Variants in DOCK10 observed in about 807,000 individuals in gnomAD.
The protein encoded by DOCK10 is dedicator of cytokinesis 10.
Under a neutral mutation model 280.1 loss-of-function variants are expected in DOCK10, and 145 were observed. That is an observed-to-expected ratio of 0.52 (90% CI 0.45 to 0.59). The LOEUF is 0.59. Among genes scored for constraint, DOCK10 ranks in the 20% least tolerant of loss-of-function variants. The pLI, the probability that DOCK10 is intolerant of heterozygous loss-of-function variation, is 0.00. For synonymous variants in DOCK10, 915 were observed against 942.2 expected, an observed-to-expected ratio of 0.97 and a Z score of 0.53; for missense variants, 2,368 against 2,651.7, an observed-to-expected ratio of 0.89 and a Z score of 2.35.
At chr2:224,974,860 A>G (rs1436341881) in intron 1 of DOCK10, among the ~76,000 whole-genome samples, 4 of 84,872 alleles carry the variant, frequency 4.7e-5, no homozygotes, top group Non-Finnish European at 1.0e-4. Context: ...ACACGTATAT[A>G]TGAGTATATA....
In DOCK10 at chr2:224,901,944, T is replaced by A. The variant is rs577176072; in HGVS notation, c.334-5567A>T. On this transcript the variant is annotated intron_variant, in intron 3 of 55. Coordinates refer to ENST00000258390, the MANE Select transcript of DOCK10 (RefSeq NM_014689.3). ...ATCAACTCCAGTATGAGGTTTTATT[T>A]ATAGTGGACGTTCAATATTTATTTG... Among the ~76,000 whole-genome samples the A allele has an allele frequency of 2.6e-5, 4 of 152,358 alleles. 1 individual carries two copies. Among genetic ancestry groups the A allele is most frequent in the African/African-American group, 7.2e-5 (3 of 41,570 alleles).
Position 224,834,212 on chromosome 2 carries a change from C to G in DOCK10, c.2902G>C (p.Ala968Pro), listed in dbSNP as rs1050259912. 1 of 1,613,610 alleles carries G rather than the reference C, an allele frequency of 6.2e-7. No homozygotes were observed. The highest frequency in any genetic ancestry group is 1.7e-5 in the Admixed American group (1 of 60,012). ...TTCAAAAGACCAGTCACATTTTTAG[C>G]CAGTTCCTCATGTACAGTCCTCTCC... Reference protein sequence around the residue: ...CKERTVHEELAKNVTGLLKSN... With the variant: ...CKERTVHEELPKNVTGLLKSN... The change falls in exon 26 of 56, where the codon GCT becomes CCT. Residue 968 changes from alanine to proline, a missense_variant. Transcript: ENST00000258390.
intron 3 of DOCK10, among the ~76,000 whole-genome samples, chr2:224,908,451 G>A (rs1398167508): frequency 6.9e-6 from 1 of 144,788 alleles, no homozygotes; most frequent in Non-Finnish European, 1.5e-5. Flanking sequence ...GTGTGTGTGT[G>A]TACATGTGTA....
intron 40 of DOCK10, among the ~76,000 whole-genome samples, chr2:224,801,393 T>C (rs1025153754): frequency 2.0e-5 from 3 of 152,018 alleles, no homozygotes; most frequent in Admixed American, 6.6e-5. Context: ...CCATGTTATA[T>C]AGGGTTAACT....
At chr2:225,015,907 A>G (rs1277170897) in intron 1 of DOCK10, among the ~76,000 whole-genome samples, 1 of 152,196 alleles carries the variant, frequency 6.6e-6, no homozygotes, top group African/African-American at 2.4e-5. Context: ...ATGTCAACTA[A>G]ATAAAATAAA....
intron 1 of DOCK10, chr2:224,982,111 G>C: frequency 1.1e-6 from 1 of 934,636 alleles, no homozygotes; most frequent in Non-Finnish European, 1.4e-6. Flanking sequence ...GGTCACACAT[G>C]CCTTTATCTA....
chr2:224,782,836 A>T (rs572213839), intron 50 of DOCK10, among the ~76,000 whole-genome samples: 50 of 152,342 alleles, frequency 3.3e-4, no homozygotes, highest in African/African-American at 1.2e-3. Context: ...AAGACACGTC[A>T]ACTTGGATAT....
At chr2:225,007,246 A>G (rs1689299590) in intron 1 of DOCK10, among the ~76,000 whole-genome samples, 1 of 152,242 alleles carries the variant, frequency 6.6e-6, no homozygotes, top group African/African-American at 2.4e-5. Context: ...ATGAAGGTAT[A>G]TAATAAGAAC....
chr2:225,029,380 C>T (rs1385735203), intron 1 of DOCK10, among the ~76,000 whole-genome samples: 1 of 152,106 alleles, frequency 6.6e-6, no homozygotes, highest in African/African-American at 2.4e-5. Flanking sequence ...TCATGTTGGC[C>T]AGGCTGGTCT....
intron 14 of DOCK10, chr2:224,860,608 G>C (rs534140466): frequency 9.2e-5 from 14 of 152,080 alleles, no homozygotes; most frequent in African/African-American, 3.4e-4. Flanking sequence ...TGTTGCCCAG[G>C]CTGGAGTGCA....
intron 7 of DOCK10, among the ~76,000 whole-genome samples, chr2:224,883,528 C>T (rs1699096351): frequency 6.6e-6 from 1 of 152,210 alleles, no homozygotes; most frequent in Non-Finnish European, 1.5e-5. Context: ...AGGCTAAATA[C>T]ACTATCTCCC....
chr2:224,931,637 T>C lies in DOCK10; in HGVS notation c.155A>G (p.Asp52Gly). ...AAGTTCTTCAATGACAGTCTCATAA[T>C]CCAAAGGCTCGAGAAGCCTAGGCTT... is the stretch of plus-strand genomic sequence containing the variant. Reference protein sequence around the residue: ...QEKPRLLEPLDYETVIEELEK... With the variant: ...QEKPRLLEPLGYETVIEELEK... The change falls in exon 2 of 56, where the codon GAT becomes GGT. Residue 52 changes from aspartate (D) to glycine (G), a missense_variant. Transcript: ENST00000258390. 1.2e-6 allele frequency: 2 copies of C among 1,610,262 alleles called. No homozygotes were observed. Among genetic ancestry groups the C allele is most frequent in the Non-Finnish European group, 1.7e-6 (2 of 1,178,180 alleles).
At chr2:224,972,991 A>C (rs1240788216) in intron 1 of DOCK10, among the ~76,000 whole-genome samples, 1 of 152,214 alleles carries the variant, frequency 6.6e-6, no homozygotes, top group Non-Finnish European at 1.5e-5. Context: ...GCTAACTTTG[A>C]ATTTCCATTT....
intron 25 of DOCK10, 29 bp downstream of exon 25, chr2:224,837,733 A>G (rs1354446137): frequency 1.3e-6 from 2 of 1,590,152 alleles, no homozygotes; most frequent in Non-Finnish European, 1.7e-6. Context: ...ACAAGGGGAT[A>G]TGAGCAATTT....
chr2:224,815,969 G>C (rs915644485), intron 30 of DOCK10, among the ~76,000 whole-genome samples: 3 of 151,986 alleles, frequency 2.0e-5, no homozygotes, highest in Non-Finnish European at 4.4e-5. Flanking sequence ...GGAGGCAGAG[G>C]TTGCAGCGAG....
Position 224,788,651 on chromosome 2 carries a change from G to GA in DOCK10, c.5418+412dup, listed in dbSNP as rs142625247. Among the ~76,000 whole-genome samples, 392 of 151,960 alleles carry GA rather than the reference G, an allele frequency of 2.6e-3. 3 individuals are homozygous for GA. The highest frequency in any genetic ancestry group is 8.9e-3 in the African/African-American group (370 of 41,478). ...TAGAAAGTTTCTTTTTTTAATTAAT[G>GA]AAAAATAACTCTGGTTATTTTCCAT... On this transcript the variant is annotated intron_variant, in intron 48 of 55. Coordinates refer to ENST00000258390, the MANE Select transcript of DOCK10 (RefSeq NM_014689.3).
chr2:224,849,695 A>C, intron 18 of DOCK10, 96 bp from the exon 19 acceptor site: 1 of 799,112 alleles, frequency 1.3e-6, no homozygotes, highest in Non-Finnish European at 2.0e-6. Context: ...ACCCTGGGAC[A>C]ATGGCAAACT....
chr2:225,018,759 G>A (rs867106454), intron 1 of DOCK10, among the ~76,000 whole-genome samples: 23 of 112,598 alleles, frequency 2.0e-4, no homozygotes, highest in East Asian at 5.1e-4. Flanking sequence ...ATACACATAT[G>A]TGTATATGTA....
intron 1 of DOCK10, among the ~76,000 whole-genome samples, chr2:224,932,275 A>T (rs1415919699): frequency 6.6e-6 from 1 of 152,174 alleles, no homozygotes; most frequent in Non-Finnish European, 1.5e-5. Context: ...GAAAATGGAT[A>T]AGTGAAAAAA....
Sources: allele counts gnomAD v4.1 joint callset (sites outside exome capture counted in the v4.1 genomes callset), GRCh38; gene constraint gnomAD v4.1.1; transcripts MANE v1.5; gene names NCBI Gene and HGNC (gene_info 2026-07-23, HGNC 2026-07-21).